Variants in MIER1 observed in about 807,000 individuals in gnomAD.
MIER1 encodes the protein mesoderm induction early response protein 1.
Under a neutral mutation model 75.7 loss-of-function variants are expected in MIER1, and 40 were observed. The observed-to-expected ratio is 0.53, with a 90% CI of 0.41 to 0.69. The LOEUF is 0.69. MIER1 is among the 30% of genes least tolerant of loss of function. The probability of loss-of-function intolerance (pLI) is 0.00; values close to 1 mark genes in which losing one functional copy is unlikely to be tolerated. For missense variants in MIER1, 574 were observed against 680.2 expected (o/e 0.84, Z 1.74); for synonymous variants, 213 against 223.4 (o/e 0.95, Z 0.42).
chr1:66,929,158 ATTAAC>A (rs777909975), intron 2 of MIER1: 3 of 633,768 alleles, frequency 4.7e-6, no homozygotes, highest in East Asian at 2.9e-5. Context: ...TAAGTTAAGT[ATTAAC>A]TTTAAGAAAA....
chr1:66,975,515 G>A (rs1664520543), intron 11 of MIER1, among the ~76,000 whole-genome samples: 3 of 149,866 alleles, frequency 2.0e-5, no homozygotes, highest in African/African-American at 7.4e-5. Context: ...AACAGAGCAT[G>A]ACACTATCTC....
At chr1:66,936,998 C>CAAA (rs751644771) in intron 2 of MIER1, among the ~76,000 whole-genome samples, 68 of 68,238 alleles carry the variant, frequency 1.0e-3, no homozygotes, top group Middle Eastern at 0.01. Flanking sequence ...GACTCCATCT[C>CAAA]AAAAAAAAAA....
chr1:66,964,448 C>CTTTTTTT (rs71058483), intron 8 of MIER1, among the ~76,000 whole-genome samples: 27 of 119,786 alleles, frequency 2.3e-4, no homozygotes, highest in African/African-American at 8.0e-4. Flanking sequence ...TGTATGTTTC[C>CTTTTTTT]TTTTTTTTTT....
chr1:66,933,274 G>A (rs1445900608), intron 2 of MIER1, among the ~76,000 whole-genome samples: 2 of 152,166 alleles, frequency 1.3e-5, no homozygotes, highest in Non-Finnish European at 2.9e-5. Context: ...TATAAGGAAT[G>A]TACTAGGGAC....
chr1:66,984,855 A>G lies in MIER1; in HGVS notation c.1653A>G (p.Ala551=). The G allele has an allele frequency of 1.9e-6, 3 of 1,605,306 alleles. No individual in the cohort carries two copies. ...GTTCTTCTGAATTTTTCCAAGAAGC[A>G]GTCTCACATGGGAAATTTGAAGAAC... ...SPGSSEFFQE[A]VSHGKFEELE... Residue 551 remains alanine (A), a synonymous_variant, in exon 14 of 14, where the codon GCA becomes GCG. Transcript: ENST00000401041.
chr1:66,934,019 G>T (rs796289247), intron 2 of MIER1, among the ~76,000 whole-genome samples: 4 of 152,182 alleles, frequency 2.6e-5, no homozygotes, highest in African/African-American at 9.6e-5. Context: ...GTCATTGCTT[G>T]GGGCTTGTTC....
At chr1:66,930,056 C>G (rs894487657) in intron 2 of MIER1, among the ~76,000 whole-genome samples, 1 of 152,192 alleles carries the variant, frequency 6.6e-6, no homozygotes, top group African/African-American at 2.4e-5. Flanking sequence ...GCGAAGCGCC[C>G]CGCGCGGTTG....
At chr1:66,951,190 T>G (rs1455013117) in intron 4 of MIER1, among the ~76,000 whole-genome samples, 1 of 152,216 alleles carries the variant, frequency 6.6e-6, no homozygotes, top group Non-Finnish European at 1.5e-5. Context: ...TGTTTATCCT[T>G]TTTGATACAG....
intron 7 of MIER1, chr1:66,960,087 G>A (rs3008873): frequency 0.78 from 122,560 of 156,680 alleles, 48,291 homozygotes; most frequent in East Asian, 0.88. Context: ...AAATAAAACA[G>A]AAATCCACAT....
chr1:66,971,363 G>T (rs975747264), intron 9 of MIER1, among the ~76,000 whole-genome samples: 2 of 151,846 alleles, frequency 1.3e-5, no homozygotes, highest in Admixed American at 6.6e-5. Flanking sequence ...GGAATCTCAA[G>T]AAGCCACAAA....
At chr1:66,930,189 A>C (rs938465269) in intron 2 of MIER1, 34 of 1,356,924 alleles carry the variant, frequency 2.5e-5, no homozygotes, top group East Asian at 6.3e-5. Flanking sequence ...CCTCCAGTCC[A>C]GCCCAGCCGG....
intron 11 of MIER1, among the ~76,000 whole-genome samples, chr1:66,975,015 T>A (rs972264383): frequency 1.3e-5 from 2 of 152,170 alleles, no homozygotes; most frequent in African/African-American, 4.8e-5. Context: ...TGATTTTTTT[T>A]AAAGTCCTGA....
At chr1:66,956,870 C>T (rs375937924) in intron 4 of MIER1, among the ~76,000 whole-genome samples, 1 of 152,204 alleles carries the variant, frequency 6.6e-6, no homozygotes, top group Admixed American at 6.5e-5. Flanking sequence ...TTTCTTCCCA[C>T]ACATGGATTT....
At chr1:66,970,331 A>G (rs1382811737) in intron 8 of MIER1, among the ~76,000 whole-genome samples, 1 of 152,236 alleles carries the variant, frequency 6.6e-6, no homozygotes, top group East Asian at 1.9e-4. Flanking sequence ...CAGTGTTAAC[A>G]TTTGGTGAGC....
At chr1:66,975,109 G>T (rs1270888949) in intron 11 of MIER1, among the ~76,000 whole-genome samples, 1 of 152,104 alleles carries the variant, frequency 6.6e-6, no homozygotes, top group Non-Finnish European at 1.5e-5. Context: ...GTAAGGGAGG[G>T]TATCATCAAC....
intron 4 of MIER1, among the ~76,000 whole-genome samples, chr1:66,949,604 C>T (rs776402479): frequency 3.9e-5 from 6 of 152,172 alleles, no homozygotes; most frequent in Non-Finnish European, 8.8e-5. Context: ...TGCTTTTCAT[C>T]TGTAACCTGA....
chr1:66,971,051 C>T, intron 9 of MIER1, 92 bp downstream of exon 9: 1 of 1,165,896 alleles, frequency 8.6e-7, no homozygotes, highest in South Asian at 1.7e-5. Context: ...GTCCACCAAA[C>T]TTTTTATAAC....
At chr1:66,927,145 CT>C (rs1272520592) in intron 2 of MIER1, among the ~76,000 whole-genome samples, 1 of 152,038 alleles carries the variant, frequency 6.6e-6, no homozygotes, top group Non-Finnish European at 1.5e-5. Context: ...TGTTCAATAA[CT>C]TTTGAATGGA....
chr1:66,986,369 T>G lies in MIER1; in HGVS notation c.*1469T>G, dbSNP rs371192455. 63 of 1,600,114 alleles carry G rather than the reference T, an allele frequency of 3.9e-5. No individual in the cohort carries two copies. The highest frequency in any genetic ancestry group is 2.4e-4 in the Admixed American group (14 of 58,536). ...AGACCAACCTATATCCAAACTTTTA[T>G]AAAATATTAATTATTCTTGTTTTTC... On this transcript the variant is annotated 3_prime_UTR_variant, in exon 14 of 14. Coordinates refer to ENST00000401041, the MANE Select transcript of MIER1 (RefSeq NM_001077700.3).
Sources: gnomAD v4.1 joint callset for allele counts (sites outside exome capture counted in the v4.1 genomes callset) on GRCh38, gnomAD v4.1.1 for gene constraint, MANE v1.5 for transcripts, NCBI Gene and HGNC (gene_info 2026-07-23, HGNC 2026-07-21) for gene names.